The following MED12L variants were observed in gnomAD, a reference collection of about 807,000 sequenced individuals.
MED12L encodes the protein mediator of RNA polymerase II transcription subunit 12-like protein.
MED12L carries 60 observed loss-of-function variants against 281.3 expected under a neutral mutation model. The ratio of observed to expected loss-of-function variants is 0.21; its 90% CI spans 0.17 to 0.26. The LOEUF (loss-of-function observed/expected upper bound fraction) is 0.26. Ranked by LOEUF, MED12L falls within the 10% of genes least tolerant of loss-of-function variation. MED12L has a pLI of 1.00. For missense variants in MED12L, 2,146 were observed against 2,680.9 expected (o/e 0.80, Z 4.41); for synonymous variants, 974 against 987.2 (o/e 0.99, Z 0.25).
rs965862285 is a variant in MED12L, at chr3:151,436,018, G to A, written c.*3214G>A. On this transcript the variant is annotated 3_prime_UTR_variant, in exon 45 of 45. Transcript: ENST00000687756. ...TATTTTTAAAACCTTTTTAATGGGT[G>A]TATTTGGACAAAAATAACCCCCTTT... The A allele has an allele frequency of 6.6e-6, 1 of 152,176 alleles. No individual in the cohort carries two copies. The highest frequency in any genetic ancestry group is 2.4e-5 in the African/African-American group (1 of 41,444). The allele number at this position is 152,176 out of a possible 1,614,324, so 9.4% of individuals were successfully genotyped here. A position where few individuals can be genotyped will look rare whatever the true frequency, so the allele number is the denominator to read the frequency against.
At chr3:151,153,058 T>C (rs959266557) in intron 5 of MED12L, among the ~76,000 whole-genome samples, 1 of 152,216 alleles carries the variant, frequency 6.6e-6, no homozygotes, top group African/African-American at 2.4e-5. Flanking sequence ...CGTGTTTTCA[T>C]ATACTAGAGC....
chr3:151,321,161 A>T (rs1748952884), intron 16 of MED12L, among the ~76,000 whole-genome samples: 1 of 152,214 alleles, frequency 6.6e-6, no homozygotes, highest in African/African-American at 2.4e-5. Flanking sequence ...GGTTGCTTTT[A>T]GAAAGCTTCT....
intron 16 of MED12L, among the ~76,000 whole-genome samples, chr3:151,283,562 A>G (rs924439854): frequency 6.6e-6 from 1 of 152,172 alleles, no homozygotes; most frequent in Non-Finnish European, 1.5e-5. Flanking sequence ...CATGTCCCTA[A>G]TACCTCAGTG....
chr3:151,125,784 G>T (rs1714421334), intron 4 of MED12L, among the ~76,000 whole-genome samples: 1 of 152,136 alleles, frequency 6.6e-6, no homozygotes, highest in African/African-American at 2.4e-5. Flanking sequence ...GATGTGCCTT[G>T]TAAGCCTGAT....
At position 151,192,552 on chromosome 3, in the gene MED12L, A is replaced by G; in HGVS notation, c.1971A>G (p.Glu657=). The change falls in exon 15 of 45, where the codon GAA becomes GAG. Residue 657 remains glutamate (E), a splice_region_variant and synonymous_variant. Coordinates refer to ENST00000687756, the MANE Select transcript of MED12L (RefSeq NM_001393769.1). The part of the protein sequence containing the change: ...YSKDHDVKME[E]QSIMAHMGID... ...TTTCTTTCTCTGGCGATTATCAGGA[A>G]CAGAGTATTATGGCGCATATGGGCA... is the stretch of plus-strand genomic sequence containing the variant. The G allele has an allele frequency of 1.3e-6, 2 of 1,530,900 alleles. No homozygotes were observed. Among genetic ancestry groups the G allele is most frequent in the Non-Finnish European group, 1.8e-6 (2 of 1,142,138 alleles). 94.8% of individuals were successfully genotyped at this position (1,530,900 alleles called of 1,614,324 possible).
intron 16 of MED12L, among the ~76,000 whole-genome samples, chr3:151,218,866 CAAAAAAAAAAAAAAAAA>C (rs397686351): frequency 5.6e-5 from 4 of 71,336 alleles, no homozygotes; most frequent in East Asian, 4.2e-4. Flanking sequence ...GACTCAGTCT[CAAAAAAAAAAAAAAAAA>C]AAAAAAAAAA....
intron 16 of MED12L, chr3:151,300,070 G>T: frequency 6.3e-7 from 1 of 1,598,312 alleles, no homozygotes; most frequent in Non-Finnish European, 8.6e-7. Flanking sequence ...GGCTTACTTG[G>T]TAATTTTGCA....
At chr3:151,338,829 T>C in intron 16 of MED12L, 2 of 1,613,552 alleles carry the variant, frequency 1.2e-6, no homozygotes, top group Non-Finnish European at 1.7e-6. Flanking sequence ...AGAGGTGAGG[T>C]TGTCGACGGC....
chr3:151,088,020 C>T (rs145064605), intron 2 of MED12L, among the ~76,000 whole-genome samples: 3 of 152,198 alleles, frequency 2.0e-5, no homozygotes, highest in East Asian at 3.9e-4. Flanking sequence ...AATCTAAAAA[C>T]CCTCCATTAA....
At chr3:151,109,257 G>A (rs373293387) in intron 2 of MED12L, among the ~76,000 whole-genome samples, 75 of 152,198 alleles carry the variant, frequency 4.9e-4, no homozygotes, top group African/African-American at 1.6e-3. Context: ...GGGTTTCACC[G>A]TGTTAGCCAG....
intron 16 of MED12L, among the ~76,000 whole-genome samples, chr3:151,342,232 A>C (rs1751947767): frequency 6.6e-6 from 1 of 152,202 alleles, no homozygotes; most frequent in Non-Finnish European, 1.5e-5. Context: ...CATCCTCTCC[A>C]ACACCTGTGC....
chr3:151,293,749 A>AGG (rs1195157109), intron 16 of MED12L, among the ~76,000 whole-genome samples: 1 of 152,136 alleles, frequency 6.6e-6, no homozygotes, highest in Non-Finnish European at 1.5e-5. Flanking sequence ...ACAGAGAATG[A>AGG]GGGGATGACT....
At chr3:151,139,992 A>G (rs1367452502) in intron 5 of MED12L, among the ~76,000 whole-genome samples, 1 of 152,220 alleles carries the variant, frequency 6.6e-6, no homozygotes, top group Non-Finnish European at 1.5e-5. Flanking sequence ...CCTGGAAGAT[A>G]TCTTGCTGTA....
chr3:151,313,650 C>T (rs1268725992), intron 16 of MED12L, among the ~76,000 whole-genome samples: 4 of 152,114 alleles, frequency 2.6e-5, no homozygotes, highest in South Asian at 2.1e-4. Context: ...TTGAGACCAT[C>T]CTGGCCAACA....
intron 16 of MED12L, among the ~76,000 whole-genome samples, chr3:151,268,194 C>G (rs1021451888): frequency 6.6e-6 from 1 of 151,844 alleles, no homozygotes; most frequent in African/African-American, 2.4e-5. Flanking sequence ...TAAAATAATG[C>G]CAGTGTTTTA....
In MED12L at chr3:151,376,299, T is replaced by G. The variant is rs975196062; in HGVS notation, c.4053+85T>G. On this transcript the variant is annotated intron_variant, in intron 28 of 44. Transcript: ENST00000687756. ...AGTTACTTCCTCTCTTTTTTTGTCC[T>G]TGCTAATTTGTGATTTCAATTCTGA... 1.1e-4 allele frequency: 122 copies of G among 1,100,128 alleles called. 1 individual carries two copies. The highest frequency in any genetic ancestry group is 1.4e-4 in the Non-Finnish European group (116 of 816,838). The allele number at this position is 1,100,128 out of a possible 1,614,324, so 68.1% of individuals were successfully genotyped here. A position where few individuals can be genotyped will look rare whatever the true frequency, so the allele number is the denominator to read the frequency against.
chr3:151,291,104 T>C (rs905293010), intron 16 of MED12L, among the ~76,000 whole-genome samples: 2 of 152,018 alleles, frequency 1.3e-5, no homozygotes, highest in Non-Finnish European at 2.9e-5. Flanking sequence ...GTACAGTCTT[T>C]ATAAGATTTA....
In MED12L at chr3:151,350,136, G is replaced by C; in HGVS notation, c.2328G>C (p.Arg776Ser). Residue 776 changes from arginine to serine, a missense_variant, in exon 17 of 45, where the codon AGG becomes AGC. Physicochemically the swap from Arg to Ser is moderately radical, Grantham distance 110 (BLOSUM62 -1). Transcript: ENST00000687756. ...YGVGKERDEA[R>S]HQLKKITKDI... ...TCGGCAAAGAGCGTGATGAAGCAAG[G>C]CATCAGCTGAAGAAGATTACCAAAG... 1.9e-6 allele frequency: 3 copies of C among 1,613,214 alleles called. No homozygotes were observed. Among genetic ancestry groups the C allele is most frequent in the Non-Finnish European group, 2.5e-6 (3 of 1,179,504 alleles).
intron 2 of MED12L, among the ~76,000 whole-genome samples, chr3:151,113,282 T>G (rs563650806): frequency 6.6e-6 from 1 of 152,202 alleles, no homozygotes; most frequent in South Asian, 2.1e-4. Flanking sequence ...AATCCCTGAT[T>G]AGAGAATGCT....
Sources: allele counts gnomAD v4.1 joint callset (sites outside exome capture counted in the v4.1 genomes callset), GRCh38; gene constraint gnomAD v4.1.1; transcripts MANE v1.5; gene names NCBI Gene and HGNC (gene_info 2026-07-23, HGNC 2026-07-21).